Variants in VEPH1 observed in about 807,000 individuals in gnomAD.
The protein encoded by VEPH1 is ventricular zone-expressed PH domain-containing protein homolog 1.
In VEPH1, 80 loss-of-function variants were observed where a neutral mutation model predicts 85.2. The observed-to-expected ratio is 0.94, with a 90% CI of 0.78 to 1.13. The LOEUF (loss-of-function observed/expected upper bound fraction) is 1.13, where lower values mean the gene tolerates loss of function less well. Ranked by LOEUF, VEPH1 falls within the 50% of genes most tolerant of loss-of-function variation. The pLI is 0.00. For synonymous variants in VEPH1, 297 were observed against 348.0 expected (o/e 0.85, Z 1.63); for missense variants, 955 against 980.5 (o/e 0.97, Z 0.35).
chr3:157,447,982 G>A (rs1410515018), intron 4 of VEPH1, among the ~76,000 whole-genome samples: 1 of 152,100 alleles, frequency 6.6e-6, no homozygotes, highest in Non-Finnish European at 1.5e-5. Context: ...TGATGATGAT[G>A]ATGATGATGA....
At chr3:157,352,040 C>T (rs892025913) in intron 9 of VEPH1, among the ~76,000 whole-genome samples, 1 of 152,180 alleles carries the variant, frequency 6.6e-6, no homozygotes, top group Non-Finnish European at 1.5e-5. Context: ...ATAATATAAA[C>T]ACCTATTTTG....
At chr3:157,429,880 C>A (rs1251406005) in intron 4 of VEPH1, among the ~76,000 whole-genome samples, 1 of 152,198 alleles carries the variant, frequency 6.6e-6, no homozygotes, top group East Asian at 1.9e-4. Flanking sequence ...GAAACTGTTG[C>A]ATGGCATTTC....
chr3:157,442,713 G>A (rs934868526), intron 4 of VEPH1: 1 of 1,614,192 alleles, frequency 6.2e-7, no homozygotes, highest in African/African-American at 1.3e-5. Flanking sequence ...GGCTACCACT[G>A]TTGAGATGGC....
rs1734362907 is a variant in VEPH1, at chr3:157,444,168, C to T, written c.530-15680G>A. Among the ~76,000 whole-genome samples, 2 of 152,130 alleles carry T rather than the reference C, an allele frequency of 1.3e-5. 1 individual carries two copies. Among genetic ancestry groups the T allele is most frequent in the South Asian group, 4.1e-4 (2 of 4,820 alleles). Reference sequence around the variant, plus strand: ...TATGTGAGGGCTGATAGAAGGGCCTCACAAAGCTGATTCTGAAATGTTGTG... The same window carrying T: ...TATGTGAGGGCTGATAGAAGGGCCTTACAAAGCTGATTCTGAAATGTTGTG... On this transcript the variant is annotated intron_variant, in intron 4 of 13. Transcript: ENST00000362010.
At chr3:157,414,171 CA>C in intron 5 of VEPH1, 81 bp from the exon 6 acceptor site, 1 of 1,212,816 alleles carries the variant, frequency 8.2e-7, no homozygotes, top group Non-Finnish European at 1.2e-6. Flanking sequence ...ATTTTGAAAG[CA>C]AACTTTTTTT....
At chr3:157,274,569 C>T (rs1483721550) in intron 12 of VEPH1, among the ~76,000 whole-genome samples, 2 of 152,144 alleles carry the variant, frequency 1.3e-5, no homozygotes, top group African/African-American at 4.8e-5. Flanking sequence ...TTGATCATAG[C>T]TTACTGGAAC....
chr3:157,278,474 C>T (rs1215064235), intron 12 of VEPH1, among the ~76,000 whole-genome samples: 2 of 152,140 alleles, frequency 1.3e-5, no homozygotes, highest in East Asian at 1.9e-4. Context: ...CATGTGAAAC[C>T]GTGAAGGATA....
chr3:157,441,650 A>T (rs1265158886), intron 4 of VEPH1, among the ~76,000 whole-genome samples: 1 of 152,094 alleles, frequency 6.6e-6, no homozygotes. Flanking sequence ...TCTAAAAAAA[A>T]AATACAATAG....
At chr3:157,405,720 C>G (rs1731091484) in intron 6 of VEPH1, among the ~76,000 whole-genome samples, 1 of 152,190 alleles carries the variant, frequency 6.6e-6, no homozygotes, top group Non-Finnish European at 1.5e-5. Flanking sequence ...TTATAATGCT[C>G]TCCTAAAACT....
At chr3:157,356,768 T>C (rs1307102802) in intron 9 of VEPH1, among the ~76,000 whole-genome samples, 2 of 152,200 alleles carry the variant, frequency 1.3e-5, no homozygotes, top group Non-Finnish European at 2.9e-5. Flanking sequence ...ACTGCCAGTT[T>C]CATAATGAAA....
At chr3:157,303,185 C>A (rs10936077) in intron 11 of VEPH1, among the ~76,000 whole-genome samples, 64,567 of 151,968 alleles carry the variant, frequency 0.42, 15,358 homozygotes, top group Admixed American at 0.59. Context: ...GTTTCAAGGC[C>A]TTTGTGCAAA....
intron 2 of VEPH1, among the ~76,000 whole-genome samples, chr3:157,490,985 C>A (rs532486724): frequency 6.6e-6 from 1 of 152,088 alleles, no homozygotes; most frequent in East Asian, 1.9e-4. Context: ...AGACAAATCT[C>A]AAAAACGTAA....
At chr3:157,265,459 A>AAT in intron 13 of VEPH1, 67 bp downstream of exon 13, 6 of 1,524,710 alleles carry the variant, frequency 3.9e-6, no homozygotes, top group Non-Finnish European at 5.3e-6. Flanking sequence ...CCAAGACAAA[A>AAT]CGTTTAGCTA....
chr3:157,474,294 A>C (rs1316904130), intron 2 of VEPH1, among the ~76,000 whole-genome samples: 1 of 151,732 alleles, frequency 6.6e-6, no homozygotes, highest in Non-Finnish European at 1.5e-5. Flanking sequence ...AATCTTTATA[A>C]CTCTTGTGAA....
At chr3:157,378,727 T>C (rs1165305622) in intron 7 of VEPH1, among the ~76,000 whole-genome samples, 1 of 152,154 alleles carries the variant, frequency 6.6e-6, no homozygotes, top group Non-Finnish European at 1.5e-5. Context: ...TTACATTCTC[T>C]GTGTGTAGGG....
chr3:157,344,378 C>A (rs1559976756), intron 9 of VEPH1, among the ~76,000 whole-genome samples: 1 of 152,122 alleles, frequency 6.6e-6, no homozygotes, highest in Non-Finnish European at 1.5e-5. Flanking sequence ...TTCTTATACA[C>A]CAATAACAGA....
At chr3:157,321,227 T>A (rs1721316214) in intron 9 of VEPH1, among the ~76,000 whole-genome samples, 1 of 152,176 alleles carries the variant, frequency 6.6e-6, no homozygotes, top group South Asian at 2.1e-4. Context: ...TAAATGTATC[T>A]GGCTTATTTC....
chr3:157,443,020 C>T (rs979405636), intron 4 of VEPH1: 1 of 1,549,356 alleles, frequency 6.5e-7, no homozygotes, highest in African/African-American at 1.4e-5. Flanking sequence ...AAGAAACTCA[C>T]ACTTAAAACA....
intron 4 of VEPH1, among the ~76,000 whole-genome samples, chr3:157,456,076 G>T (rs1231438119): frequency 6.6e-6 from 1 of 152,022 alleles, no homozygotes; most frequent in Non-Finnish European, 1.5e-5. Flanking sequence ...ATACACTGTT[G>T]TGAGATGGTA....
Sources: allele counts gnomAD v4.1 joint callset (sites outside exome capture counted in the v4.1 genomes callset), GRCh38; gene constraint gnomAD v4.1.1; transcripts MANE v1.5; gene names NCBI Gene and HGNC (gene_info 2026-07-23, HGNC 2026-07-21).